Variants in SCAPER observed in about 807,000 individuals in gnomAD.
SCAPER encodes S-phase cyclin A associated protein in the ER, also known as S phase cyclin A-associated protein in the endoplasmic reticulum.
A neutral mutation model predicts 182.2 loss-of-function variants in SCAPER; 98 were observed. The observed-to-expected ratio is 0.54, with a 90% confidence interval of 0.46 to 0.64. The LOEUF (loss-of-function observed/expected upper bound fraction) is 0.64, where lower values mean the gene tolerates loss of function less well. SCAPER is among the 30% of genes least tolerant of loss of function. SCAPER has a pLI of 0.00. For synonymous variants in SCAPER, 605 were observed against 564.6 expected (o/e 1.07, Z -1.01); for missense variants, 1,432 against 1,690.0 (o/e 0.85, Z 2.68).
At chr15:76,837,540 G>A (rs962462558) in intron 5 of SCAPER, among the ~76,000 whole-genome samples, 1 of 152,168 alleles carries the variant, frequency 6.6e-6, no homozygotes, top group African/African-American at 2.4e-5. Flanking sequence ...AGAACAGAAT[G>A]AGGGTAACCA....
chr15:76,598,986 T>A lies in SCAPER; in HGVS notation c.2711+22778A>T, dbSNP rs563307503. 6.8e-5 allele frequency among the ~76,000 whole-genome samples: 8 copies of A among 117,768 alleles called. 1 individual carries two copies. The highest frequency in any genetic ancestry group is 2.0e-4 in the African/African-American group (8 of 39,066). The allele number at this position is 117,768 out of a possible 152,430, so 77.3% of individuals were successfully genotyped here. A position where few individuals can be genotyped will look rare whatever the true frequency, so the allele number is the denominator to read the frequency against. On this transcript the variant is annotated intron_variant, in intron 22 of 31. Coordinates refer to ENST00000563290, the MANE Select transcript of SCAPER (RefSeq NM_020843.4). ...GACCCAGTTTCTAGCGGTAATAAAA[T>A]GAATATGTATTAAGCATAAGGTTAC...
Position 76,434,279 on chromosome 15 carries a change from A to G in SCAPER, c.3110T>C (p.Leu1037Ser), listed in dbSNP as rs1300723818. Residue 1037 changes from leucine (L) to serine (S), a missense_variant, in exon 26 of 32, where the codon TTG (leucine) becomes TCG (serine). Leu to Ser is a moderately radical substitution (Grantham distance 145, BLOSUM62 -2). Transcript: ENST00000563290. ...AACTTGTTTATTTGTATTTCTCCCC[A>G]AAATAGTATTATTTTCATCTGGAAC... Reference protein sequence around the residue: ...VYVPDENNTILGRNTNKQVFE... With the variant: ...VYVPDENNTISGRNTNKQVFE... 3.1e-6 allele frequency: 5 copies of G among 1,612,662 alleles called. No homozygotes were observed. In the South Asian group the frequency reaches 4.4e-5, roughly 14 times the overall value.
chr15:76,503,189 CA>C (rs2041294811), intron 24 of SCAPER, among the ~76,000 whole-genome samples: 2 of 152,154 alleles, frequency 1.3e-5, no homozygotes, highest in African/African-American at 4.8e-5. Context: ...TTTCTTATTT[CA>C]AATATTTATT....
At chr15:76,818,580 A>C (rs1219555513) in intron 5 of SCAPER, among the ~76,000 whole-genome samples, 2 of 151,376 alleles carry the variant, frequency 1.3e-5, no homozygotes, top group Non-Finnish European at 2.9e-5. Flanking sequence ...CATACAAAAA[A>C]CTCTTAAAAC....
intron 29 of SCAPER, among the ~76,000 whole-genome samples, chr15:76,368,258 G>A (rs1479300798): frequency 1.3e-5 from 2 of 152,190 alleles, no homozygotes; most frequent in Non-Finnish European, 2.9e-5. Context: ...GAGGCAAAGA[G>A]TGAAGTAAAA....
intron 20 of SCAPER, among the ~76,000 whole-genome samples, chr15:76,666,419 T>C (rs144895040): frequency 4.7e-4 from 72 of 152,264 alleles, no homozygotes; most frequent in African/African-American, 1.6e-3. Flanking sequence ...CCCCTCCTTA[T>C]CCATCTTAGA....
At chr15:76,802,080 T>A (rs2065836106) in intron 6 of SCAPER, among the ~76,000 whole-genome samples, 1 of 152,136 alleles carries the variant, frequency 6.6e-6, no homozygotes, top group Admixed American at 6.5e-5. Context: ...AAAAAAAATT[T>A]TTTTTTAATG....
chr15:76,664,377 G>A (rs2146742975), intron 21 of SCAPER, among the ~76,000 whole-genome samples: 1 of 152,254 alleles, frequency 6.6e-6, no homozygotes, highest in South Asian at 2.1e-4. Context: ...TTGGATGTGA[G>A]GTGTAGGAGA....
At chr15:76,809,272 A>C (rs2066413939) in intron 5 of SCAPER, among the ~76,000 whole-genome samples, 1 of 152,158 alleles carries the variant, frequency 6.6e-6, no homozygotes, top group African/African-American at 2.4e-5. Flanking sequence ...AGCAAGATAA[A>C]CCTCCAGAAA....
intron 10 of SCAPER, among the ~76,000 whole-genome samples, chr15:76,769,810 T>C (rs1433453533): frequency 6.6e-6 from 1 of 152,124 alleles, no homozygotes; most frequent in South Asian, 2.1e-4. Context: ...TCCTTAAGGA[T>C]CTAGAACTAG....
chr15:76,644,072 C>T (rs1007959234), intron 21 of SCAPER, among the ~76,000 whole-genome samples: 5 of 152,132 alleles, frequency 3.3e-5, no homozygotes, highest in Admixed American at 3.3e-4. Context: ...AGTTCTTTCT[C>T]ATGGACTAGG....
intron 21 of SCAPER, among the ~76,000 whole-genome samples, chr15:76,627,372 C>A (rs2146195740): frequency 6.6e-6 from 1 of 152,008 alleles, no homozygotes; most frequent in Admixed American, 6.6e-5. Flanking sequence ...CATGGGGGTG[C>A]ACCTATCAAT....
chr15:76,830,539 A>C (rs1432408596), intron 5 of SCAPER, among the ~76,000 whole-genome samples: 1 of 152,052 alleles, frequency 6.6e-6, no homozygotes, highest in Non-Finnish European at 1.5e-5. Flanking sequence ...GTAATTCTGA[A>C]AGGAATTAAT....
intron 25 of SCAPER, among the ~76,000 whole-genome samples, chr15:76,455,151 T>C (rs541338846): frequency 4.6e-5 from 7 of 152,344 alleles, no homozygotes; most frequent in Non-Finnish European, 8.8e-5. Flanking sequence ...TGGTTTTGCT[T>C]TAACTGCATC....
At chr15:76,750,577 G>C (rs751699459) in intron 15 of SCAPER, among the ~76,000 whole-genome samples, 2 of 151,856 alleles carry the variant, frequency 1.3e-5, no homozygotes, top group East Asian at 3.8e-4. Flanking sequence ...CCATGACCAA[G>C]TGGGATTTAT....
At chr15:76,841,692 T>C (rs770789143) in intron 5 of SCAPER, 42 bp downstream of exon 5, 64 of 1,579,904 alleles carry the variant, frequency 4.1e-5, no homozygotes, top group Non-Finnish European at 5.5e-5. Context: ...AATTCAAGAA[T>C]CTGAGTTCAA....
chr15:76,826,622 C>T (rs1225136137), intron 5 of SCAPER, among the ~76,000 whole-genome samples: 8 of 149,866 alleles, frequency 5.3e-5, no homozygotes, highest in Non-Finnish European at 1.2e-4. Flanking sequence ...TAACCCAAGT[C>T]GACATCCATA....
In SCAPER at chr15:76,874,603, A is replaced by T. The variant is rs115708059; in HGVS notation, c.6+9209T>A. Among the ~76,000 whole-genome samples, 1,381 of 152,266 alleles carry T rather than the reference A, an allele frequency of 9.1e-3. 22 individuals are homozygous for T. The highest frequency in any genetic ancestry group is 0.032 in the African/African-American group (1,341 of 41,550). ...ATAGTATTAGGAATTAAAAAGAAAG[A>T]TCACTACAGATCCTAGAAACCTCCA... On this transcript the variant is annotated intron_variant, in intron 2 of 31. Coordinates refer to ENST00000563290, the MANE Select transcript of SCAPER (RefSeq NM_020843.4).
At chr15:76,605,805 T>G (rs1048809545) in intron 22 of SCAPER, among the ~76,000 whole-genome samples, 2 of 152,254 alleles carry the variant, frequency 1.3e-5, no homozygotes, top group Non-Finnish European at 2.9e-5. Context: ...TCTAGTTTAT[T>G]TGCATAGAGA....
Sources: gnomAD v4.1 joint callset for allele counts (sites outside exome capture counted in the v4.1 genomes callset) on GRCh38, gnomAD v4.1.1 for gene constraint, MANE v1.5 for transcripts, NCBI Gene and HGNC (gene_info 2026-07-23, HGNC 2026-07-21) for gene names.